CFAP52: variants seen among roughly 807,000 people sequenced by gnomAD.
CFAP52 encodes cilia- and flagella-associated protein 52.
CFAP52 carries 57 observed loss-of-function variants against 70.5 expected under a neutral mutation model. That is an observed-to-expected ratio of 0.81 (90% CI 0.65 to 1.01). The LOEUF is 1.01. Among genes scored for constraint, CFAP52 ranks in the 50% least tolerant of loss-of-function variants. The probability of loss-of-function intolerance (pLI) is 0.00; values close to 1 mark genes in which losing one functional copy is unlikely to be tolerated. For missense variants in CFAP52, 785 were observed against 788.5 expected (o/e 1.00, Z 0.05); for synonymous variants, 267 against 292.5 (o/e 0.91, Z 0.89).
rs1910329778 is a variant in CFAP52 at position 9,628,675 on chromosome 17, C to T, written c.1029C>T (p.Gly343=). 7.4e-6 allele frequency: 12 copies of T among 1,613,146 alleles called. No homozygotes were observed. The highest frequency in any genetic ancestry group is 8.5e-6 in the Non-Finnish European group (10 of 1,179,244). Reference sequence around the variant, plus strand: ...TCTCTTGATGGCTTCCTTGCAGTGGCACTGCTGAGCTATTTGCAACCTGTG... The same window carrying T: ...TCTCTTGATGGCTTCCTTGCAGTGGTACTGCTGAGCTATTTGCAACCTGTG... The part of the protein sequence containing the change: ...DAVEDIVFPF[G]TAELFATCAK... Residue 343 remains glycine (G), a synonymous_variant, in exon 9 of 14, where the codon GGC becomes GGT. Coordinates refer to ENST00000352665, the MANE Select transcript of CFAP52 (RefSeq NM_145054.5).
intron 2 of CFAP52, among the ~76,000 whole-genome samples, chr17:9,586,362 G>T (rs112644163): frequency 6.6e-6 from 1 of 152,054 alleles, no homozygotes; most frequent in African/African-American, 2.4e-5. Flanking sequence ...TCAGGAGTTC[G>T]AGACCAGCCT....
At chr17:9,595,898 A>T (rs1359720504) in intron 4 of CFAP52, among the ~76,000 whole-genome samples, 2 of 141,270 alleles carry the variant, frequency 1.4e-5, no homozygotes, top group Non-Finnish European at 3.1e-5. Flanking sequence ...CTCTTTGTTT[A>T]AAAAAAAAAA....
intron 11 of CFAP52, among the ~76,000 whole-genome samples, chr17:9,636,269 A>G (rs1326167694): frequency 2.0e-5 from 3 of 151,708 alleles, no homozygotes; most frequent in African/African-American, 7.3e-5. Flanking sequence ...AAAATAACTA[A>G]TGCAGGCAGT....
At chr17:9,610,654 G>T (rs1302308973) in intron 7 of CFAP52, among the ~76,000 whole-genome samples, 3 of 151,866 alleles carry the variant, frequency 2.0e-5, no homozygotes, top group Non-Finnish European at 2.9e-5. Context: ...CCTGCCTCAG[G>T]CTCCCGAGTA....
Position 9,596,044 on chromosome 17 carries a change from G to T in CFAP52, c.536+1723G>T, listed in dbSNP as rs375285694. Among the ~76,000 whole-genome samples, 126 of 61,932 alleles carry T rather than the reference G, an allele frequency of 2.0e-3. 2 individuals are homozygous for T. The highest frequency in any genetic ancestry group is 5.7e-3 in the African/African-American group (114 of 20,104). The allele number at this position is 61,932 out of a possible 152,430, so 40.6% of individuals were successfully genotyped here. ...ATAGTTACATATGTATATGTATGTAGATATATATGTGTGTGTATATATATA... is the reference window on the plus strand; with the variant it reads ...ATAGTTACATATGTATATGTATGTATATATATATGTGTGTGTATATATATA... On this transcript the variant is annotated intron_variant, in intron 4 of 13. Coordinates refer to ENST00000352665, the MANE Select transcript of CFAP52 (RefSeq NM_145054.5).
At chr17:9,630,088 A>G (rs1255572133) in intron 9 of CFAP52, among the ~76,000 whole-genome samples, 1 of 151,494 alleles carries the variant, frequency 6.6e-6, no homozygotes, top group African/African-American at 2.4e-5. Flanking sequence ...TCCCCTGCTG[A>G]TGCTCATTTC....
At chr17:9,631,395 C>T (rs578256566) in intron 9 of CFAP52, among the ~76,000 whole-genome samples, 64 of 152,300 alleles carry the variant, frequency 4.2e-4, no homozygotes, top group African/African-American at 1.5e-3. Context: ...CCCCTCACCT[C>T]CTCAAATCTT....
At chr17:9,600,860 T>C (rs1364928034) in intron 6 of CFAP52, among the ~76,000 whole-genome samples, 1 of 152,146 alleles carries the variant, frequency 6.6e-6, no homozygotes, top group African/African-American at 2.4e-5. Context: ...GCAAGGTACA[T>C]TGGCCAGTTC....
chr17:9,628,717 G>C lies in CFAP52; in HGVS notation c.1071G>C (p.Arg357Ser), dbSNP rs367791419. Residue 357 changes from arginine to serine, a missense_variant, in exon 9 of 14, where the codon AGG (arginine) becomes AGC (serine). Arg to Ser is a moderately radical substitution (Grantham distance 110, BLOSUM62 -1). Transcript: ENST00000352665. ...CAACCTGTGCCAAGAAGGATATCAGGGTGTGGCACACATCATCCAACAGGG... is the reference window on the plus strand; with the variant it reads ...CAACCTGTGCCAAGAAGGATATCAGCGTGTGGCACACATCATCCAACAGGG... ...LFATCAKKDI[R>S]VWHTSSNREL... 1.9e-6 allele frequency: 3 copies of C among 1,614,114 alleles called. No individual in the cohort carries two copies. Among genetic ancestry groups the C allele is most frequent in the Non-Finnish European group, 2.5e-6 (3 of 1,180,024 alleles).
intron 7 of CFAP52, 56 bp downstream of exon 7, chr17:9,608,275 T>C: frequency 7.2e-7 from 1 of 1,384,372 alleles, no homozygotes; most frequent in South Asian, 1.7e-5. Flanking sequence ...AACGGAGATT[T>C]GCTTAAAGCC....
chr17:9,580,749 G>T (rs1437380614), intron 1 of CFAP52, among the ~76,000 whole-genome samples: 1 of 78,682 alleles, frequency 1.3e-5, no homozygotes, highest in Admixed American at 2.0e-4. Context: ...ACTGGCAAAG[G>T]CAAAAAAAGA....
At chr17:9,583,845 A>G (rs1363703896) in intron 1 of CFAP52, among the ~76,000 whole-genome samples, 1 of 152,232 alleles carries the variant, frequency 6.6e-6, no homozygotes, top group Non-Finnish European at 1.5e-5. Context: ...GGTTCTTGGT[A>G]TAACCAAAAT....
At chr17:9,639,990 T>C (rs1232001380) in intron 12 of CFAP52, among the ~76,000 whole-genome samples, 4 of 152,290 alleles carry the variant, frequency 2.6e-5, no homozygotes, top group East Asian at 1.9e-4. Context: ...TCTATCTCTT[T>C]AGGCGTTTAC....
Position 9,594,087 on chromosome 17 carries a change from A to T in CFAP52, c.408-106A>T, listed in dbSNP as rs572502333. 1.9e-5 allele frequency: 27 copies of T among 1,439,380 alleles called. No homozygotes were observed. In the African/African-American group the frequency reaches 3.5e-4, roughly 18 times the overall value. 89.2% of individuals were successfully genotyped at this position (1,439,380 alleles called of 1,614,324 possible). On this transcript the variant is annotated intron_variant, in intron 3 of 13. Transcript: ENST00000352665. ...TAATTTTGTTGTTCGTTTTTAAGTA[A>T]CCTGTTGTGTTTTTTTCTTTCTAGA...
At chr17:9,643,965 A>G (rs1308473877), downstream of CFAP52, among the ~76,000 whole-genome samples, 4 of 152,226 alleles carry the variant, frequency 2.6e-5, no homozygotes, top group East Asian at 7.7e-4. Context: ...AGAGAGGGGT[A>G]AATAATGGCA....
intron 6 of CFAP52, among the ~76,000 whole-genome samples, chr17:9,603,479 G>A (rs1358008506): frequency 2.6e-5 from 4 of 152,222 alleles, no homozygotes; most frequent in Non-Finnish European, 4.4e-5. Flanking sequence ...AAAGTGCTGG[G>A]ATTACAGGCG....
intron 7 of CFAP52, among the ~76,000 whole-genome samples, chr17:9,611,718 G>A (rs886835077): frequency 3.9e-5 from 6 of 152,160 alleles, no homozygotes; most frequent in Non-Finnish European, 8.8e-5. Flanking sequence ...TTTACTTAAT[G>A]CAAGCATCAT....
chr17:9,602,855 T>A (rs1037333829), intron 6 of CFAP52, among the ~76,000 whole-genome samples: 3 of 152,238 alleles, frequency 2.0e-5, no homozygotes, highest in Admixed American at 2.0e-4. Context: ...TTTACATTTC[T>A]CTAATGACCA....
Position 9,580,199 on chromosome 17 carries a change from T to TA in CFAP52, c.70+3435dup, listed in dbSNP as rs538350094. The stretch of plus-strand genomic sequence containing the variant: ...AAATAAAGTTTTATTGGAATGTAGC[T>TA]ATGCCCATTTGTTTATGTATTGTCT... On this transcript the variant is annotated intron_variant, in intron 1 of 13. Coordinates refer to ENST00000352665, the MANE Select transcript of CFAP52 (RefSeq NM_145054.5). Among the ~76,000 whole-genome samples, 404 of 152,198 alleles carry TA rather than the reference T, an allele frequency of 2.7e-3. 3 individuals are homozygous for TA. Among genetic ancestry groups the TA allele is most frequent in the Non-Finnish European group, 3.2e-3 (215 of 68,020 alleles).
Sources: gnomAD v4.1 joint callset for allele counts (sites outside exome capture counted in the v4.1 genomes callset) on GRCh38, gnomAD v4.1.1 for gene constraint, MANE v1.5 for transcripts, NCBI Gene and HGNC (gene_info 2026-07-23, HGNC 2026-07-21) for gene names.